MBD5: variants seen among roughly 807,000 people sequenced by gnomAD.
The protein encoded by MBD5 is methyl-CpG binding domain protein 5, also known as methyl-CpG-binding domain protein 5.
Under a neutral mutation model 117.3 loss-of-function variants are expected in MBD5, and 13 were observed. That is an observed-to-expected ratio of 0.11 (90% confidence interval 0.07 to 0.18). MBD5 has a LOEUF of 0.18. Among genes scored for constraint, MBD5 ranks in the 10% least tolerant of loss-of-function variants. The pLI is 1.00. For synonymous variants in MBD5, 727 were observed against 766.4 expected (o/e 0.95, Z 0.85); for missense variants, 1,879 against 2,093.8 (o/e 0.90, Z 2.00).
At chr2:148,218,139 A>G (rs920697194) in intron 2 of MBD5, among the ~76,000 whole-genome samples, 1 of 152,198 alleles carries the variant, frequency 6.6e-6, no homozygotes, top group Non-Finnish European at 1.5e-5. Context: ...ACTTAAGAGT[A>G]TAAGCCCTTG....
At chr2:148,512,736 G>A in intron 13 of MBD5, 134 bp from the exon 14 acceptor site, 3 of 787,258 alleles carry the variant, frequency 3.8e-6, no homozygotes, top group Non-Finnish European at 6.6e-6. Context: ...AACATTTGAA[G>A]TGCCTCAGGA....
At chr2:148,083,173 T>C (rs559471377) in intron 1 of MBD5, among the ~76,000 whole-genome samples, 2 of 152,298 alleles carry the variant, frequency 1.3e-5, no homozygotes, top group South Asian at 2.1e-4. Context: ...TTATTAACCA[T>C]CCAATATTTC....
intron 1 of MBD5, among the ~76,000 whole-genome samples, chr2:148,048,906 T>C (rs1485070366): frequency 6.6e-6 from 1 of 152,062 alleles, no homozygotes; most frequent in East Asian, 1.9e-4. Flanking sequence ...TCCTGGGATG[T>C]TGGAATAGTC....
intron 1 of MBD5, among the ~76,000 whole-genome samples, chr2:148,154,259 G>A (rs62183898): frequency 0.31 from 46,707 of 151,914 alleles, 8,304 homozygotes; most frequent in East Asian, 0.46. Flanking sequence ...TCGGGGGTCA[G>A]TGACCCACTT....
intron 3 of MBD5, among the ~76,000 whole-genome samples, chr2:148,331,873 A>C (rs1702666980): frequency 6.6e-6 from 1 of 152,182 alleles, no homozygotes; most frequent in African/African-American, 2.4e-5. Flanking sequence ...AATACATGGT[A>C]GCAATCAATT....
chr2:148,428,684 C>T (rs992255192), intron 4 of MBD5, among the ~76,000 whole-genome samples: 13 of 151,908 alleles, frequency 8.6e-5, no homozygotes, highest in African/African-American at 2.9e-4. Context: ...CCTCAGAAAT[C>T]ACACCACACA....
chr2:148,133,643 G>C (rs1697104080), intron 1 of MBD5, among the ~76,000 whole-genome samples: 1 of 152,130 alleles, frequency 6.6e-6, no homozygotes, highest in South Asian at 2.1e-4. Context: ...GACCAACGTG[G>C]TGAAACCCCG....
At chr2:148,367,205 C>G (rs1260008751) in intron 4 of MBD5, among the ~76,000 whole-genome samples, 3 of 152,084 alleles carry the variant, frequency 2.0e-5, no homozygotes, top group African/African-American at 4.8e-5. Flanking sequence ...TTTGACAAAC[C>G]TGACAAAAAC....
intron 4 of MBD5, among the ~76,000 whole-genome samples, chr2:148,370,682 T>C (rs891372275): frequency 6.6e-6 from 1 of 152,038 alleles, no homozygotes; most frequent in African/African-American, 2.4e-5. Flanking sequence ...AGAGACAGGG[T>C]TTCACTGTGT....
At chr2:148,254,203 T>G (rs901832331) in intron 3 of MBD5, among the ~76,000 whole-genome samples, 6 of 152,178 alleles carry the variant, frequency 3.9e-5, no homozygotes, top group Non-Finnish European at 7.3e-5. Context: ...ACTGCCTTAA[T>G]CTCCCATGAC....
chr2:148,506,289 T>C (rs868111195), intron 12 of MBD5, among the ~76,000 whole-genome samples: 2 of 152,250 alleles, frequency 1.3e-5, no homozygotes, highest in Non-Finnish European at 2.9e-5. Context: ...CTTTTACATA[T>C]GTTATAGTTT....
intron 8 of MBD5, among the ~76,000 whole-genome samples, chr2:148,477,277 G>T (rs1011718832): frequency 2.6e-5 from 4 of 151,940 alleles, no homozygotes; most frequent in Non-Finnish European, 4.4e-5. Context: ...CCATCCTCTT[G>T]GCCCTGTTGA....
chr2:148,197,794 G>GTTTTTTTTTTTTTTTTTTTT (rs56029734), intron 2 of MBD5, among the ~76,000 whole-genome samples: 1 of 102,574 alleles, frequency 9.7e-6, no homozygotes, highest in Non-Finnish European at 1.9e-5. Flanking sequence ...AGCATCTGAG[G>GTTTTTTTTTTTTTTTTTTTT]TTTTTTTTTT....
intron 4 of MBD5, among the ~76,000 whole-genome samples, chr2:148,457,631 C>T (rs1211170323): frequency 6.6e-6 from 1 of 152,020 alleles, no homozygotes; most frequent in African/African-American, 2.4e-5. Context: ...AAATTCTTGA[C>T]TATAAAGCAA....
At chr2:148,387,614 T>C (rs1704415623) in intron 4 of MBD5, among the ~76,000 whole-genome samples, 1 of 151,898 alleles carries the variant, frequency 6.6e-6, no homozygotes, top group Admixed American at 6.5e-5. Flanking sequence ...ACATGACAAA[T>C]GAAAATTAAA....
chr2:148,115,743 G>T (rs1696620887), intron 1 of MBD5, among the ~76,000 whole-genome samples: 1 of 151,990 alleles, frequency 6.6e-6, no homozygotes, highest in African/African-American at 2.4e-5. Flanking sequence ...GTCTTCTATG[G>T]TTTTTTGCCT....
At chr2:148,336,288 A>T (rs1702786577) in intron 3 of MBD5, among the ~76,000 whole-genome samples, 1 of 152,204 alleles carries the variant, frequency 6.6e-6, no homozygotes, top group Non-Finnish European at 1.5e-5. Flanking sequence ...ATTTCCACAG[A>T]TAAATTTGAA....
At chr2:148,053,225 C>A (rs890021853) in intron 1 of MBD5, among the ~76,000 whole-genome samples, 5 of 152,096 alleles carry the variant, frequency 3.3e-5, no homozygotes, top group African/African-American at 4.8e-5. Flanking sequence ...ATGTTGATAA[C>A]TGTTATATCT....
At chr2:148,300,967 C>T (rs1701766163) in intron 3 of MBD5, among the ~76,000 whole-genome samples, 1 of 152,308 alleles carries the variant, frequency 6.6e-6, no homozygotes, top group East Asian at 1.9e-4. Flanking sequence ...GGTTGGGTAA[C>T]TTCCAAAGCT....
Sources: gnomAD v4.1 joint callset for allele counts (sites outside exome capture counted in the v4.1 genomes callset) on GRCh38, gnomAD v4.1.1 for gene constraint, MANE v1.5 for transcripts, NCBI Gene and HGNC (gene_info 2026-07-23, HGNC 2026-07-21) for gene names.